DDR2: variants seen among roughly 807,000 people sequenced by gnomAD.
The protein encoded by DDR2 is discoidin domain-containing receptor 2.
A neutral mutation model predicts 94.9 loss-of-function variants in DDR2; 27 were observed. The ratio of observed to expected loss-of-function variants is 0.28; its 90% CI spans 0.21 to 0.39. The LOEUF is 0.39. Ranked by LOEUF, DDR2 falls within the 10% of genes least tolerant of loss-of-function variation. The probability of loss-of-function intolerance (pLI) is 1.00; values close to 1 mark genes in which losing one functional copy is unlikely to be tolerated. For synonymous variants in DDR2, 382 were observed against 377.2 expected (o/e 1.01, Z -0.15); for missense variants, 783 against 1,076.0 (o/e 0.73, Z 3.81).
Position 162,782,815 on chromosome 1 carries a change from T to C in DDR2, c.*2569T>C. The C allele has an allele frequency of 6.6e-6, 1 of 152,080 alleles. No homozygotes were observed. Among genetic ancestry groups the C allele is most frequent in the East Asian group, 1.9e-4 (1 of 5,196 alleles). The allele number at this position is 152,080 out of a possible 1,614,324, so 9.4% of individuals were successfully genotyped here. On this transcript the variant is annotated 3_prime_UTR_variant, in exon 18 of 18. Coordinates refer to ENST00000367921, the MANE Select transcript of DDR2 (RefSeq NM_006182.4). Reference sequence around the variant, plus strand: ...TTTTCCTGGCCTTGAGTCACAGAAGTAATATGTTTCAGATGGCTGCCCAAT... The same window carrying C: ...TTTTCCTGGCCTTGAGTCACAGAAGCAATATGTTTCAGATGGCTGCCCAAT...
rs1224459774 is a variant in DDR2 at position 162,655,372 on chromosome 1, G to A, written c.-30G>A. 1 of 152,214 alleles carries A rather than the reference G, an allele frequency of 6.6e-6. No homozygotes were observed. Among genetic ancestry groups the A allele is most frequent in the Non-Finnish European group, 1.5e-5 (1 of 68,052 alleles). The allele number at this position is 152,214 out of a possible 1,614,324, so 9.4% of individuals were successfully genotyped here. A position where few individuals can be genotyped will look rare whatever the true frequency, so the allele number is the denominator to read the frequency against. On this transcript the variant is annotated splice_region_variant and 5_prime_UTR_variant, in exon 2 of 18. An upstream open reading frame in the 5' UTR loses its in-frame stop. Coordinates refer to ENST00000367921, the MANE Select transcript of DDR2 (RefSeq NM_006182.4). ...CCACAGAGAATGCTCTGCACCCGTT[G>A]ATGTAAGTAGGTCCAGTCACTGAGG...
chr1:162,704,322 T>C (rs1269407577), intron 2 of DDR2, among the ~76,000 whole-genome samples: 1 of 152,124 alleles, frequency 6.6e-6, no homozygotes, highest in Admixed American at 6.5e-5. Context: ...CTGAGAGTTG[T>C]AAAGGGGCAG....
chr1:162,653,131 C>G (rs1176811498), intron 1 of DDR2, among the ~76,000 whole-genome samples: 2 of 149,828 alleles, frequency 1.3e-5, no homozygotes, highest in African/African-American at 4.9e-5. Context: ...AACAAACAAA[C>G]AAAGAAACTT....
chr1:162,779,527 T>C (rs1647781757), intron 17 of DDR2, among the ~76,000 whole-genome samples: 1 of 152,136 alleles, frequency 6.6e-6, no homozygotes. Flanking sequence ...AAGCCAAAGA[T>C]AGATAAGGTA....
rs182848071 is a variant in DDR2, at chr1:162,643,756, C to T, written c.-192+11125C>T. ...TCGGCCTCCCAAAGTGCTGGGATTACAGGTGTGAGCCACTGCACCCGGCCA... is the reference window on the plus strand; with the variant it reads ...TCGGCCTCCCAAAGTGCTGGGATTATAGGTGTGAGCCACTGCACCCGGCCA... On this transcript the variant is annotated intron_variant, in intron 1 of 17. Coordinates refer to ENST00000367921, the MANE Select transcript of DDR2 (RefSeq NM_006182.4). Among the ~76,000 whole-genome samples the T allele has an allele frequency of 1.2e-4, 19 of 152,320 alleles. No homozygotes were observed. In the East Asian group the frequency reaches 3.3e-3, roughly 26 times the overall value.
At chr1:162,676,370 C>A (rs1659124091) in intron 2 of DDR2, among the ~76,000 whole-genome samples, 1 of 152,158 alleles carries the variant, frequency 6.6e-6, no homozygotes, top group South Asian at 2.1e-4. Flanking sequence ...TCCTCTACAA[C>A]AATTGTTACA....
chr1:162,678,371 C>T (rs565023684), intron 2 of DDR2, among the ~76,000 whole-genome samples: 4 of 152,292 alleles, frequency 2.6e-5, no homozygotes, highest in South Asian at 2.1e-4. Flanking sequence ...CAGTGCATGA[C>T]GCAGAGTAAA....
intron 4 of DDR2, among the ~76,000 whole-genome samples, chr1:162,754,386 A>G (rs757670957): frequency 1.3e-5 from 2 of 152,210 alleles, no homozygotes; most frequent in Admixed American, 6.5e-5. Flanking sequence ...AGTGAAGGCT[A>G]TGTGTGATCT....
intron 14 of DDR2, among the ~76,000 whole-genome samples, chr1:162,774,177 TC>T (rs1647395146): frequency 6.6e-6 from 1 of 152,232 alleles, no homozygotes; most frequent in African/African-American, 2.4e-5. Context: ...ATCTCTTGGA[TC>T]TTTTTCTACA....
chr1:162,736,901 T>A (rs1355288922), intron 3 of DDR2, among the ~76,000 whole-genome samples: 1 of 152,188 alleles, frequency 6.6e-6, no homozygotes, highest in Non-Finnish European at 1.5e-5. Flanking sequence ...GAGGCCAGTG[T>A]GGCTGATGGG....
rs368764880 is a variant in DDR2 at position 162,785,006 on chromosome 1, A to G, written c.*4760A>G. The G allele has an allele frequency of 4.6e-5, 7 of 152,338 alleles. No homozygotes were observed. In the South Asian group the frequency reaches 1.4e-3, roughly 32 times the overall value. The allele number at this position is 152,338 out of a possible 1,614,324, so 9.4% of individuals were successfully genotyped here. A position where few individuals can be genotyped will look rare whatever the true frequency, so the allele number is the denominator to read the frequency against. On this transcript the variant is annotated 3_prime_UTR_variant, in exon 18 of 18. Coordinates refer to ENST00000367921, the MANE Select transcript of DDR2 (RefSeq NM_006182.4). ...AGATACTATCTGGATAAAGTTCTACAGTTTTAGAGAGACTATTAACACATT... is the reference window on the plus strand; with the variant it reads ...AGATACTATCTGGATAAAGTTCTACGGTTTTAGAGAGACTATTAACACATT...
intron 2 of DDR2, among the ~76,000 whole-genome samples, chr1:162,679,249 G>A (rs1281051171): frequency 2.6e-5 from 4 of 151,824 alleles, no homozygotes; most frequent in Admixed American, 1.3e-4. Context: ...CCTAGCATCC[G>A]TGTGTTTTCC....
chr1:162,779,986 T>C (rs1647805131), intron 17 of DDR2, 126 bp from the exon 18 acceptor site: 1 of 1,393,024 alleles, frequency 7.2e-7, no homozygotes, highest in Non-Finnish European at 1.0e-6. Context: ...CCATTTCAGT[T>C]ATCAAGTTCA....
chr1:162,769,189 G>A (rs1279601959), intron 11 of DDR2, among the ~76,000 whole-genome samples: 1 of 152,170 alleles, frequency 6.6e-6, no homozygotes, highest in East Asian at 1.9e-4. Context: ...CAGGTAAAAG[G>A]TAGAGCAAAC....
chr1:162,769,471 T>A (rs1019798243), intron 11 of DDR2, among the ~76,000 whole-genome samples: 3 of 152,238 alleles, frequency 2.0e-5, no homozygotes, highest in Non-Finnish European at 4.4e-5. Context: ...GAGTACCTAC[T>A]TTGTTCTGAG....
intron 1 of DDR2, among the ~76,000 whole-genome samples, chr1:162,644,910 A>G (rs1657332764): frequency 6.6e-6 from 1 of 152,168 alleles, no homozygotes; most frequent in African/African-American, 2.4e-5. Context: ...ACACTTCTTA[A>G]GGCTAGATAA....
At chr1:162,774,930 T>C (rs1647443705) in intron 14 of DDR2, among the ~76,000 whole-genome samples, 1 of 152,116 alleles carries the variant, frequency 6.6e-6, no homozygotes, top group South Asian at 2.1e-4. Context: ...GGCTTATAAC[T>C]CATCTGCTCC....
chr1:162,634,064 A>G (rs1434374908), intron 1 of DDR2, among the ~76,000 whole-genome samples: 1 of 152,136 alleles, frequency 6.6e-6, no homozygotes, highest in African/African-American at 2.4e-5. Context: ...TCTCCCTTGC[A>G]TTTGGTTACT....
intron 7 of DDR2, 37 bp from the exon 8 acceptor site, chr1:162,759,759 C>A (rs1341507651): frequency 3.7e-6 from 6 of 1,611,952 alleles, no homozygotes; most frequent in Middle Eastern, 2.0e-4. Flanking sequence ...ACTCAGATTT[C>A]TCTCTCCTTT....
Sources: allele counts gnomAD v4.1 joint callset (sites outside exome capture counted in the v4.1 genomes callset), GRCh38; gene constraint gnomAD v4.1.1; transcripts MANE v1.5; gene names NCBI Gene and HGNC (gene_info 2026-07-23, HGNC 2026-07-21).